Variants in NUMB observed in about 807,000 individuals in gnomAD.
NUMB encodes protein numb homolog.
NUMB carries 29 observed loss-of-function variants against 59.7 expected under a neutral mutation model. The ratio of observed to expected loss-of-function variants is 0.49; its 90% confidence interval spans 0.36 to 0.66. NUMB has a LOEUF of 0.66. Ranked by LOEUF, NUMB falls within the 30% of genes least tolerant of loss-of-function variation. The pLI, the probability that NUMB is intolerant of heterozygous loss-of-function variation, is 0.00. For synonymous variants in NUMB, 288 were observed against 288.2 expected (o/e 1.00, Z 0.01); for missense variants, 723 against 822.0 (o/e 0.88, Z 1.47).
intron 4 of NUMB, among the ~76,000 whole-genome samples, chr14:73,335,639 A>G (rs985872445): frequency 5.9e-5 from 9 of 152,226 alleles, no homozygotes; most frequent in Admixed American, 1.3e-4. Context: ...TTTCATTCTT[A>G]GATGAATTAA....
intron 1 of NUMB, among the ~76,000 whole-genome samples, chr14:73,426,113 A>G (rs1318567106): frequency 1.3e-5 from 2 of 152,058 alleles, no homozygotes; most frequent in African/African-American, 2.4e-5. Flanking sequence ...CCCAGCCTCT[A>G]ATTTTAAAGA....
chr14:73,436,833 G>T (rs151084569), intron 1 of NUMB, among the ~76,000 whole-genome samples: 9,135 of 151,232 alleles, frequency 0.06, 702 homozygotes, highest in African/African-American at 0.16. Context: ...ACAAAAATTA[G>T]CTGGGCGTGG....
intron 1 of NUMB, among the ~76,000 whole-genome samples, chr14:73,419,721 C>G (rs866535891): frequency 2.6e-5 from 4 of 152,144 alleles, no homozygotes; most frequent in Middle Eastern, 3.4e-3. Flanking sequence ...AAAGTCCCAC[C>G]CAATCCCATC....
intron 2 of NUMB, among the ~76,000 whole-genome samples, chr14:73,381,291 G>A (rs904965014): frequency 2.6e-5 from 4 of 151,620 alleles, no homozygotes; most frequent in African/African-American, 9.7e-5. Context: ...TCTGTCTTGG[G>A]ACAGAAAACA....
intron 2 of NUMB, among the ~76,000 whole-genome samples, chr14:73,370,641 G>A (rs1410655134): frequency 4.0e-5 from 6 of 151,796 alleles, no homozygotes; most frequent in Admixed American, 6.6e-5. Context: ...GCGATGAGCC[G>A]AGATTGTGCC....
chr14:73,330,224 G>C (rs1891888534), intron 4 of NUMB, among the ~76,000 whole-genome samples: 1 of 152,020 alleles, frequency 6.6e-6, no homozygotes, highest in Non-Finnish European at 1.5e-5. Flanking sequence ...TAGAGATGGG[G>C]TTTTGCTGTG....
chr14:73,440,563 C>T (rs979290482), intron 1 of NUMB, among the ~76,000 whole-genome samples: 1 of 151,672 alleles, frequency 6.6e-6, no homozygotes, highest in Non-Finnish European at 1.5e-5. Flanking sequence ...AAAAACAAAT[C>T]GGCCAGGGGA....
intron 4 of NUMB, among the ~76,000 whole-genome samples, chr14:73,353,072 G>GTTTGTTTTTTT (rs1893523626): frequency 1.7e-5 from 1 of 58,514 alleles, no homozygotes; most frequent in Non-Finnish European, 3.3e-5. Flanking sequence ...AGTTTTTCTT[G>GTTTGTTTTTTT]TTTTTTTTTT....
intron 1 of NUMB, among the ~76,000 whole-genome samples, chr14:73,440,248 C>T (rs28415888): frequency 3.6e-5 from 5 of 137,290 alleles, no homozygotes; most frequent in Non-Finnish European, 6.3e-5. Context: ...TATATATATA[C>T]ATCCATATAT....
chr14:73,403,773 T>C (rs1275899138), intron 2 of NUMB, among the ~76,000 whole-genome samples: 1 of 151,054 alleles, frequency 6.6e-6, no homozygotes, highest in East Asian at 2.0e-4. Flanking sequence ...CTGGCCAACA[T>C]GGCAAAACCC....
In NUMB at chr14:73,287,158, G is replaced by T. The variant is rs1889071482; in HGVS notation, c.607C>A (p.Gln203Lys). Residue 203 changes from glutamine to lysine, a missense_variant, in exon 9 of 13, where the codon CAA becomes AAA. Transcript: ENST00000555238. ...TTCATGATCTCCTCTCTTTCTGCTT[G>T]TTCAGTGGCTGTTGTGACACGGAAT... ...GSFRVTTATE[Q>K]AEREEIMKQM... 6.2e-7 allele frequency: 1 copy of T among 1,613,816 alleles called. No individual in the cohort carries two copies. The highest frequency in any genetic ancestry group is 8.5e-7 in the Non-Finnish European group (1 of 1,179,984).
At chr14:73,330,669 T>C (rs1891923569) in intron 4 of NUMB, among the ~76,000 whole-genome samples, 1 of 152,222 alleles carries the variant, frequency 6.6e-6, no homozygotes, top group African/African-American at 2.4e-5. Flanking sequence ...ACATAGCAAA[T>C]ACTATATATG....
At chr14:73,394,911 G>GT (rs1265294795) in intron 2 of NUMB, among the ~76,000 whole-genome samples, 2 of 151,930 alleles carry the variant, frequency 1.3e-5, no homozygotes, top group African/African-American at 4.8e-5. Flanking sequence ...GGCAATCTTT[G>GT]TTTTTTAATA....
At chr14:73,427,525 T>C (rs1164256739) in intron 1 of NUMB, among the ~76,000 whole-genome samples, 1 of 152,022 alleles carries the variant, frequency 6.6e-6, no homozygotes, top group Non-Finnish European at 1.5e-5. Context: ...TGACTGGATC[T>C]GCAATATCCA....
rs1178283765 is a variant in NUMB, at chr14:73,277,313, A to G, written c.1241-20T>C. On this transcript the variant is annotated intron_variant, in intron 12 of 12. Transcript: ENST00000555238. Reference sequence around the variant, plus strand: ...CGGTCCCTGGAACCAACAAGATGAGAGACAAAAGAATCAGTTAGGGGCATC... The same window carrying G: ...CGGTCCCTGGAACCAACAAGATGAGGGACAAAAGAATCAGTTAGGGGCATC... 1 of 1,558,432 alleles carries G rather than the reference A, an allele frequency of 6.4e-7. No individual in the cohort carries two copies. Among genetic ancestry groups the G allele is most frequent in the South Asian group, 1.2e-5 (1 of 86,448 alleles).
At chr14:73,322,028 C>A (rs986619226) in intron 5 of NUMB, among the ~76,000 whole-genome samples, 1 of 151,780 alleles carries the variant, frequency 6.6e-6, no homozygotes, top group Admixed American at 6.6e-5. Flanking sequence ...TAGACTATGC[C>A]GAGAAGCACA....
At chr14:73,283,989 T>C in intron 10 of NUMB, 92 bp downstream of exon 10, 2 of 1,180,916 alleles carry the variant, frequency 1.7e-6, no homozygotes, top group Non-Finnish European at 2.4e-6. Context: ...GAAAGAGGAA[T>C]GCCTAGTTTA....
intron 6 of NUMB, among the ~76,000 whole-genome samples, chr14:73,314,856 A>C (rs978976684): frequency 6.6e-6 from 1 of 152,074 alleles, no homozygotes; most frequent in South Asian, 2.1e-4. Flanking sequence ...GAAAAAACAA[A>C]TACACCACAA....
At position 73,327,200 on chromosome 14, in the gene NUMB, CATCATTA is replaced by C. The variant is rs1266668375; in HGVS notation, c.127-4003_127-3997del. Among the ~76,000 whole-genome samples, 19 of 152,088 alleles carry C rather than the reference CATCATTA, an allele frequency of 1.2e-4. 1 individual carries two copies. The highest frequency in any genetic ancestry group is 1.1e-3 in the Admixed American group (17 of 15,254). On this transcript the variant is annotated intron_variant, in intron 4 of 12. Coordinates refer to ENST00000555238, the MANE Select transcript of NUMB (RefSeq NM_001005743.2). ...TCAGTGAAAACATCTAAAATAAGTT[CATCATTA>C]TTCATACTTTCTCATTTCCTCTCAA...
Sources: gnomAD v4.1 joint callset for allele counts (sites outside exome capture counted in the v4.1 genomes callset) on GRCh38, gnomAD v4.1.1 for gene constraint, MANE v1.5 for transcripts, NCBI Gene and HGNC (gene_info 2026-07-23, HGNC 2026-07-21) for gene names.